ACCSL: variants seen among roughly 807,000 people sequenced by gnomAD.
ACCSL encodes the protein 1-aminocyclopropane-1-carboxylate synthase homolog (inactive) like.
A neutral mutation model predicts 61.7 loss-of-function variants in ACCSL; 55 were observed. The observed-to-expected ratio is 0.89, with a 90% CI of 0.72 to 1.12. ACCSL has a LOEUF of 1.12. Ranked by LOEUF, ACCSL falls within the 50% of genes most tolerant of loss-of-function variation. The probability of loss-of-function intolerance (pLI) is 0.00; values close to 1 mark genes in which losing one functional copy is unlikely to be tolerated. For missense variants in ACCSL, 632 were observed against 698.0 expected (o/e 0.91, Z 1.07); for synonymous variants, 258 against 264.3 (o/e 0.98, Z 0.23).
chr11:43,980,650 AG>A, the ACCSL span, among the ~76,000 whole-genome samples: 7 of 152,194 alleles, frequency 4.6e-5, no homozygotes. Context: ...CTTCGTATTT[AG>A]GAATAATAAT....
chr11:43,923,622 T>C, the ACCSL span, among the ~76,000 whole-genome samples: 11 of 152,168 alleles, frequency 7.2e-5, no homozygotes, highest in Non-Finnish European at 1.6e-4. Flanking sequence ...GGAAATGACT[T>C]CAGTGTTTAT....
At chr11:44,038,594 G>C in the ACCSL span, among the ~76,000 whole-genome samples, 1 of 152,096 alleles carries the variant, frequency 6.6e-6, no homozygotes, top group Non-Finnish European at 1.5e-5. Context: ...CAATGATTTG[G>C]GTTGTTAGAG....
At chr11:43,967,087 C>T in the ACCSL span, among the ~76,000 whole-genome samples, 1 of 151,152 alleles carries the variant, frequency 6.6e-6, no homozygotes. Flanking sequence ...AGTTCTCCTT[C>T]CAAATGCATC....
At position 44,059,934 on chromosome 11, in the gene ACCSL, C is replaced by T. The variant is rs770381804; in HGVS notation, c.*14C>T. The T allele has an allele frequency of 1.9e-6, 3 of 1,611,992 alleles. No individual in the cohort carries two copies. Among genetic ancestry groups the T allele is most frequent in the Non-Finnish European group, 2.5e-6 (3 of 1,178,444 alleles). ...ATGAGGGAGTAGGCCGTCTGCCTCCCAACCAGCAGTTCCAGCCCATCACTT... is the reference window on the plus strand; with the variant it reads ...ATGAGGGAGTAGGCCGTCTGCCTCCTAACCAGCAGTTCCAGCCCATCACTT... On this transcript the variant is annotated 3_prime_UTR_variant, in exon 14 of 14. Transcript: ENST00000378832.
chr11:43,929,568 G>A, the ACCSL span, among the ~76,000 whole-genome samples: 5 of 151,948 alleles, frequency 3.3e-5, no homozygotes, highest in African/African-American at 7.3e-5. Context: ...CACCACGCCC[G>A]GCTCATTTTT....
the ACCSL span, among the ~76,000 whole-genome samples, chr11:43,993,558 G>T: frequency 6.6e-6 from 1 of 152,198 alleles, no homozygotes; most frequent in African/African-American, 2.4e-5. Flanking sequence ...CTTAGCTGCA[G>T]TTTGAAAGGG....
chr11:43,963,380 T>C, the ACCSL span, among the ~76,000 whole-genome samples: 2 of 152,210 alleles, frequency 1.3e-5, no homozygotes, highest in African/African-American at 4.8e-5. Context: ...TATATGTGAG[T>C]GCAAGTAATA....
chr11:44,048,156 G>A lies in ACCSL; in HGVS notation c.120G>A (p.Met40Ile), dbSNP rs1442445982. Residue 40 changes from methionine to isoleucine, a missense_variant, in exon 1 of 14, where the codon ATG (methionine) becomes ATA (isoleucine). Transcript: ENST00000378832. Reference protein sequence around the residue: ...LEITLHLQQAMTEHFVQLTSR... With the variant: ...LEITLHLQQAITEHFVQLTSR... ...TAACGCTGCACTTGCAGCAGGCCAT[G>A]ACGGAGCACTTCGTGCAGCTGACGA... 2 of 1,614,218 alleles carry A rather than the reference G, an allele frequency of 1.2e-6. No homozygotes were observed. The highest frequency in any genetic ancestry group is 2.2e-5 in the South Asian group (2 of 91,088).
the ACCSL span, among the ~76,000 whole-genome samples, chr11:43,996,915 C>T: frequency 2.0e-5 from 3 of 151,204 alleles, no homozygotes; most frequent in Non-Finnish European, 4.4e-5. Flanking sequence ...TGGGTTCAAA[C>T]GATTATTGTG....
chr11:44,007,787 C>T, the ACCSL span, among the ~76,000 whole-genome samples: 81 of 152,200 alleles, frequency 5.3e-4, no homozygotes, highest in East Asian at 0.013. Context: ...CATGAGACAA[C>T]GGAAGGATGA....
chr11:43,975,843 T>C, the ACCSL span, among the ~76,000 whole-genome samples: 1 of 152,176 alleles, frequency 6.6e-6, no homozygotes, highest in African/African-American at 2.4e-5. Context: ...CCAAGAGCCA[T>C]GGAGAATCAC....
At chr11:43,942,536 G>A in the ACCSL span, 2 of 252,638 alleles carry the variant, frequency 7.9e-6, no homozygotes, top group Non-Finnish European at 1.6e-5. Flanking sequence ...GCGGAAGGGC[G>A]CGGGGCGCGC....
At chr11:43,924,613 C>T in the ACCSL span, among the ~76,000 whole-genome samples, 57 of 152,374 alleles carry the variant, frequency 3.7e-4, no homozygotes, top group Non-Finnish European at 4.9e-4. Context: ...CCCGTTCCTG[C>T]GGCACAAGAG....
chr11:43,999,082 C>T, the ACCSL span, among the ~76,000 whole-genome samples: 69 of 152,266 alleles, frequency 4.5e-4, 1 homozygote, highest in African/African-American at 1.7e-3. Context: ...TCAGTTTCCT[C>T]GTCTTTCCAA....
the ACCSL span, among the ~76,000 whole-genome samples, chr11:43,961,554 G>A: frequency 6.6e-6 from 1 of 152,078 alleles, no homozygotes; most frequent in South Asian, 2.1e-4. Flanking sequence ...ACCCAGATAG[G>A]GTGTGGTTCA....
chr11:44,023,088 C>G, the ACCSL span, among the ~76,000 whole-genome samples: 1 of 136,926 alleles, frequency 7.3e-6, no homozygotes, highest in Admixed American at 7.8e-5. Flanking sequence ...CTCTCGTTGG[C>G]CAGGCTGGAG....
the ACCSL span, among the ~76,000 whole-genome samples, chr11:43,957,909 G>C: frequency 6.6e-6 from 1 of 151,608 alleles, no homozygotes; most frequent in African/African-American, 2.4e-5. Context: ...TTGGTCAAGC[G>C]GGGGGTCCAG....
the ACCSL span, chr11:43,942,890 G>C: frequency 7.5e-7 from 1 of 1,328,334 alleles, no homozygotes; most frequent in Non-Finnish European, 9.6e-7. Context: ...CGGCCCCGCA[G>C]ACGCCGGAGG....
At chr11:43,979,739 C>T in the ACCSL span, among the ~76,000 whole-genome samples, 5 of 150,230 alleles carry the variant, frequency 3.3e-5, no homozygotes, top group South Asian at 2.1e-4. Context: ...CCCAGCTACT[C>T]GAGAGGCTGA....
Sources: allele counts gnomAD v4.1 joint callset (sites outside exome capture counted in the v4.1 genomes callset), GRCh38; gene constraint gnomAD v4.1.1; transcripts MANE v1.5; gene names NCBI Gene and HGNC (gene_info 2026-07-23, HGNC 2026-07-21).